PPP1R37: variants seen among roughly 807,000 people sequenced by gnomAD.
PPP1R37 encodes leucine rich repeat containing 68.
PPP1R37 carries 21 observed loss-of-function variants against 61.0 expected under a neutral mutation model. The ratio of observed to expected loss-of-function variants is 0.34; its 90% CI spans 0.24 to 0.50. The LOEUF is 0.50. Among genes scored for constraint, PPP1R37 ranks in the 20% least tolerant of loss-of-function variants. PPP1R37 has a pLI of 0.98. For synonymous variants in PPP1R37, 443 were observed against 433.5 expected, an observed-to-expected ratio of 1.02 and a Z score of -0.27; for missense variants, 910 against 952.7, an observed-to-expected ratio of 0.96 and a Z score of 0.59.
chr19:45,136,243 T>C (rs944420178), intron 1 of PPP1R37: 3 of 152,236 alleles, frequency 2.0e-5, no homozygotes, highest in Non-Finnish European at 4.4e-5. Context: ...GTGATGGGCA[T>C]TCAGAATCTG....
At position 45,145,629 on chromosome 19, in the gene PPP1R37, G is replaced by C; in HGVS notation, c.1573G>C (p.Glu525Gln). Residue 525 changes from glutamate (E) to glutamine (Q), a missense_variant, in exon 11 of 13, where the codon GAG becomes CAG. Glu to Gln is a conservative substitution (Grantham distance 29). This residue lies in a region of PPP1R37 where 549 missense variants were observed against 505.1 expected (regional missense o/e 1.09). Coordinates refer to ENST00000221462, the MANE Select transcript of PPP1R37 (RefSeq NM_019121.2). ...EEEEEEGERDETPCPALVPPT... is the reference protein window; with the variant it reads ...EEEEEEGERDQTPCPALVPPT... ...GGAGGAAGAGGAAGGGGAGAGGGAC[G>C]AGACCCCCTGTCCTGCCCTGGTGCC... The C allele has an allele frequency of 6.5e-7, 1 of 1,535,908 alleles. No individual in the cohort carries two copies. Among genetic ancestry groups the C allele is most frequent in the Non-Finnish European group, 8.7e-7 (1 of 1,146,764 alleles).
rs1487210322 is a variant in PPP1R37 at position 45,147,115 on chromosome 19, C to T, written c.*553C>T. 6.5e-6 allele frequency: 1 copy of T among 153,922 alleles called. No individual in the cohort carries two copies. Among genetic ancestry groups the T allele is most frequent in the African/African-American group, 2.4e-5 (1 of 41,456 alleles). 9.5% of individuals were successfully genotyped at this position (153,922 alleles called of 1,614,324 possible). On this transcript the variant is annotated 3_prime_UTR_variant, in exon 13 of 13. Transcript: ENST00000221462. ...GGAGCTGGGGCGGGAGCAGCCGGCA[C>T]TCCGGGACCCTGCTGTCCAGGCCAC...
chr19:45,146,716 G>T lies in PPP1R37; in HGVS notation c.*154G>T, dbSNP rs1439656104. 1 of 493,688 alleles carries T rather than the reference G, an allele frequency of 2.0e-6. No individual in the cohort carries two copies. Among genetic ancestry groups the T allele is most frequent in the Non-Finnish European group, 3.7e-6 (1 of 269,390 alleles). The allele number at this position is 493,688 out of a possible 1,614,324, so 30.6% of individuals were successfully genotyped here. A position where few individuals can be genotyped will look rare whatever the true frequency, so the allele number is the denominator to read the frequency against. ...TCCCCCCACAGCAACACTACAAGGG[G>T]TGCAGGAGCTACAGGGAGTGGCCCT... On this transcript the variant is annotated 3_prime_UTR_variant, in exon 13 of 13. Transcript: ENST00000221462.
chr19:45,145,936 C>T lies in PPP1R37; in HGVS notation c.1880C>T (p.Pro627Leu). ...GAGCCTCAGCCACCACCGGAGCCGC[C>T]TCGGTCAGGGCCACCACTGCCCAAC... ...SSEPQPPPEP[P>L]RSGPPLPNGL... is the part of the protein sequence containing the mutation. Residue 627 changes from proline to leucine, a missense_variant, in exon 11 of 13, where the codon CCT (proline) becomes CTT (leucine). Pro to Leu is a moderately conservative substitution (Grantham distance 98). This residue lies in a region of PPP1R37 where 549 missense variants were observed against 505.1 expected (regional missense o/e 1.09). Coordinates refer to ENST00000221462, the MANE Select transcript of PPP1R37 (RefSeq NM_019121.2). 6.5e-7 allele frequency: 1 copy of T among 1,534,868 alleles called. No homozygotes were observed. The highest frequency in any genetic ancestry group is 8.7e-7 in the Non-Finnish European group (1 of 1,146,522).
At position 45,130,282 on chromosome 19, in the gene PPP1R37, A is replaced by G. The variant is rs1968459535; in HGVS notation, c.203-8232A>G. Among the ~76,000 whole-genome samples, 1 of 152,116 alleles carries G rather than the reference A, an allele frequency of 6.6e-6. No homozygotes were observed. The highest frequency in any genetic ancestry group is 1.5e-5 in the Non-Finnish European group (1 of 68,000). The stretch of plus-strand genomic sequence containing the variant: ...CTACAGGGGACCCCACTCCTGCAGA[A>G]TACAATCCTCCCATGAGCCTGAATC... On this transcript the variant is annotated intron_variant, in intron 1 of 12. Coordinates refer to ENST00000221462, the MANE Select transcript of PPP1R37 (RefSeq NM_019121.2). This position sits in a 1 kb window ranked among gnomAD's most constrained non-coding sequence, Gnocchi z 4.4.
chr19:45,106,759 C>T (rs1968136538), intron 1 of PPP1R37, among the ~76,000 whole-genome samples: 1 of 141,982 alleles, frequency 7.0e-6, no homozygotes, highest in Non-Finnish European at 1.5e-5. Flanking sequence ...GCTCAGGCTT[C>T]GTTGTGCTTT....
chr19:45,103,944 C>T (rs1390970492), intron 1 of PPP1R37, among the ~76,000 whole-genome samples: 1 of 152,114 alleles, frequency 6.6e-6, no homozygotes, highest in African/African-American at 2.4e-5. Context: ...AGGACAAAGT[C>T]CACACCCGTG....
chr19:45,137,687 C>T (rs868399137), intron 1 of PPP1R37, among the ~76,000 whole-genome samples: 12 of 152,222 alleles, frequency 7.9e-5, no homozygotes, highest in Middle Eastern at 3.4e-3. Context: ...CTGAGAGGCA[C>T]GTGGCATTGT....
In PPP1R37 at chr19:45,145,652, G is replaced by T. The variant is rs1568452472; in HGVS notation, c.1596G>T (p.Val532=). 1.3e-6 allele frequency: 2 copies of T among 1,535,498 alleles called. No individual in the cohort carries two copies. Among genetic ancestry groups the T allele is most frequent in the Non-Finnish European group, 1.7e-6 (2 of 1,146,540 alleles). Residue 532 remains valine, a synonymous_variant, in exon 11 of 13, where the codon GTG becomes GTT. Transcript: ENST00000221462. ...ERDETPCPAL[V]PPTDSLGPGD... is the part of the protein sequence containing the mutation. ...ACGAGACCCCCTGTCCTGCCCTGGT[G>T]CCCCCCACGGACTCCCTGGGCCCTG...
At chr19:45,138,982 C>T (rs1300454650) in intron 2 of PPP1R37, among the ~76,000 whole-genome samples, 5 of 121,982 alleles carry the variant, frequency 4.1e-5, no homozygotes, top group South Asian at 2.6e-4. Context: ...GGCGCCATTT[C>T]GGCTCACTGC....
chr19:45,124,618 G>A (rs576112317), intron 1 of PPP1R37, among the ~76,000 whole-genome samples: 30 of 152,194 alleles, frequency 2.0e-4, no homozygotes, highest in Non-Finnish European at 3.7e-4. Context: ...GCAGGGACCA[G>A]TTCAGAGCCA....
intron 1 of PPP1R37, among the ~76,000 whole-genome samples, chr19:45,102,089 C>T (rs1404789437): frequency 3.3e-5 from 5 of 152,180 alleles, no homozygotes; most frequent in Non-Finnish European, 4.4e-5. Context: ...CTGTGGGAGG[C>T]GTGTGGGCTG....
Position 45,145,570 on chromosome 19 carries a change from C to T in PPP1R37, c.1514C>T (p.Ser505Leu). The T allele has an allele frequency of 1.3e-6, 2 of 1,533,424 alleles. No individual in the cohort carries two copies. Among genetic ancestry groups the T allele is most frequent in the Non-Finnish European group, 1.7e-6 (2 of 1,146,562 alleles). 95.0% of individuals were successfully genotyped at this position (1,533,424 alleles called of 1,614,324 possible). A position where few individuals can be genotyped will look rare whatever the true frequency, so the allele number is the denominator to read the frequency against. The change falls in exon 11 of 13, where the codon TCA (serine) becomes TTA (leucine). Residue 505 changes from serine to leucine, a missense_variant. Ser to Leu is a moderately radical substitution (Grantham distance 145). Around this residue, in one of 3 missense-constraint regions of PPP1R37, gnomAD observed 549 missense variants for 505.1 expected, o/e 1.09. Transcript: ENST00000221462. Reference sequence around the variant, plus strand: ...CCCAGCCCCGCACCCAGCCCGGACTCAGACTCAGACTCGGACTCGGATGGG... The same window carrying T: ...CCCAGCCCCGCACCCAGCCCGGACTTAGACTCAGACTCGGACTCGGATGGG... ...GAPSPAPSPD[S>L]DSDSDSDGEE...
chr19:45,136,273 G>A (rs1968537972), intron 1 of PPP1R37: 1 of 152,210 alleles, frequency 6.6e-6, no homozygotes. Context: ...GATGCAATGG[G>A]AAAATATCTG....
intron 1 of PPP1R37, chr19:45,135,910 G>A (rs1968534276): frequency 6.6e-6 from 1 of 151,490 alleles, no homozygotes; most frequent in Non-Finnish European, 1.5e-5. Context: ...AGCCTCCCGA[G>A]TAACTGAGAC....
chr19:45,129,681 G>GTC (rs1245094092), intron 1 of PPP1R37, among the ~76,000 whole-genome samples: 1 of 152,192 alleles, frequency 6.6e-6, no homozygotes, highest in South Asian at 2.1e-4. Context: ...CTCACCCCTG[G>GTC]TCTGGTCCCC....
rs554103224 is a variant in PPP1R37, at chr19:45,130,459, G to A, written c.203-8055G>A. Among the ~76,000 whole-genome samples, 4 of 152,154 alleles carry A rather than the reference G, an allele frequency of 2.6e-5. No homozygotes were observed. Among genetic ancestry groups the A allele is most frequent in the African/African-American group, 7.2e-5 (3 of 41,516 alleles). ...CTTTGGCGCCGAGCCTGCTCCCACC[G>A]TCACACTTAAGCCTGCCCCAGTGGT... On this transcript the variant is annotated intron_variant, in intron 1 of 12. Transcript: ENST00000221462. The surrounding 1 kb of genome is among the most constrained non-coding windows in gnomAD (Gnocchi z 4.4).
At chr19:45,114,055 A>G (rs1050027682) in intron 1 of PPP1R37, among the ~76,000 whole-genome samples, 1 of 152,232 alleles carries the variant, frequency 6.6e-6, no homozygotes, top group Non-Finnish European at 1.5e-5. Flanking sequence ...CCAGCCCCAC[A>G]CTAGACGCTT....
chr19:45,145,172 C>T lies in PPP1R37; in HGVS notation c.1208C>T (p.Thr403Ile), dbSNP rs1055293627. 1.3e-6 allele frequency: 2 copies of T among 1,535,298 alleles called. No individual in the cohort carries two copies. The highest frequency in any genetic ancestry group is 1.7e-6 in the Non-Finnish European group (2 of 1,146,550). ...RLDLRENEIK[T>I]GGLMALSLAL... ...GACCTTCGGGAGAACGAGATCAAGA[C>T]AGGCGGGCTCATGGCACTGTCGTTG... The change falls in exon 10 of 13, where the codon ACA (threonine) becomes ATA (isoleucine). Residue 403 changes from threonine to isoleucine, a missense_variant. Coordinates refer to ENST00000221462, the MANE Select transcript of PPP1R37 (RefSeq NM_019121.2).
Sources: gnomAD v4.1 joint callset for allele counts (sites outside exome capture counted in the v4.1 genomes callset) on GRCh38, gnomAD v4.1.1 for gene constraint, gnomAD v4.1.1 regional missense constraint, Gnocchi (gnomAD v3.1) non-coding constraint, MANE v1.5 for transcripts, NCBI Gene and HGNC (gene_info 2026-07-23, HGNC 2026-07-21) for gene names.